The following LCORL variants were observed in gnomAD, a reference collection of about 807,000 sequenced individuals.
The protein encoded by LCORL is ligand-dependent nuclear receptor corepressor-like protein.
A neutral mutation model predicts 141.8 loss-of-function variants in LCORL; 41 were observed. The observed-to-expected ratio is 0.29, with a 90% CI of 0.23 to 0.38. LCORL has a LOEUF of 0.38. LCORL is among the 10% of genes least tolerant of loss of function. The pLI, the probability that LCORL is intolerant of heterozygous loss-of-function variation, is 1.00. For synonymous variants in LCORL, 618 were observed against 694.1 expected (o/e 0.89, Z 1.72); for missense variants, 1,759 against 2,035.0 (o/e 0.86, Z 2.61).
chr4:17,913,843 G>T (rs1221305640), intron 4 of LCORL, among the ~76,000 whole-genome samples: 1 of 152,190 alleles, frequency 6.6e-6, no homozygotes, highest in Non-Finnish European at 1.5e-5. Flanking sequence ...CATTGACATG[G>T]TTAAATTCCC....
chr4:17,945,329 C>A (rs1328097796), intron 4 of LCORL, among the ~76,000 whole-genome samples: 1 of 151,602 alleles, frequency 6.6e-6, no homozygotes, highest in Non-Finnish European at 1.5e-5. Flanking sequence ...CAGAATCACT[C>A]ATGACACGAC....
intron 2 of LCORL, among the ~76,000 whole-genome samples, chr4:17,964,880 T>C (rs1178624432): frequency 2.6e-5 from 4 of 151,544 alleles, no homozygotes; most frequent in Non-Finnish European, 5.9e-5. Flanking sequence ...TTTTTTTTTT[T>C]CTTTAAATCA....
At chr4:17,916,770 G>A (rs13144103) in intron 4 of LCORL, among the ~76,000 whole-genome samples, 19,746 of 149,680 alleles carry the variant, frequency 0.13, 1,399 homozygotes, top group South Asian at 0.26. Context: ...TCCATCTCCC[G>A]AGTAGCTGGG....
At chr4:17,939,397 T>C (rs1052427977) in intron 4 of LCORL, among the ~76,000 whole-genome samples, 3 of 152,176 alleles carry the variant, frequency 2.0e-5, no homozygotes, top group African/African-American at 4.8e-5. Context: ...TTAGATAATA[T>C]AAATAGGTTT....
chr4:17,848,241 T>C (rs1347241637), intron 7 of LCORL, among the ~76,000 whole-genome samples: 1 of 152,062 alleles, frequency 6.6e-6, no homozygotes, highest in East Asian at 1.9e-4. Context: ...TAAAAAACAG[T>C]GGATATGCAA....
rs1727968478 is a variant in LCORL, at chr4:17,884,127, C to A, written c.776+1941G>T. 3.2e-6 allele frequency: 5 copies of A among 1,550,550 alleles called. No individual in the cohort carries two copies. Among genetic ancestry groups the A allele is most frequent in the Non-Finnish European group, 8.7e-7 (1 of 1,146,362 alleles). On this transcript the variant is annotated intron_variant, in intron 6 of 7. Transcript: ENST00000635767. The surrounding 1 kb of genome is among the most constrained non-coding windows in gnomAD (Gnocchi z 4.4). ...TCAACACTTGAGTGAGTTACAGGCC[C>A]AGAACATTCTATTTTGTTCTGTTTA...
chr4:17,963,180 TTTAAAA>T (rs1714190533), intron 2 of LCORL, 131 bp from the exon 3 acceptor site: 2 of 461,154 alleles, frequency 4.3e-6, no homozygotes, highest in African/African-American at 4.0e-5. Flanking sequence ...AAGAACTAAC[TTTAAAA>T]TTAAACTCAC....
chr4:17,903,685 T>C (rs1731197898), intron 5 of LCORL, among the ~76,000 whole-genome samples: 1 of 151,962 alleles, frequency 6.6e-6, no homozygotes. Context: ...ATATTTGAAA[T>C]GCCTGGATAG....
intron 6 of LCORL, chr4:17,882,966 T>G: frequency 3.3e-6 from 3 of 913,164 alleles, no homozygotes; most frequent in Non-Finnish European, 3.9e-6. Context: ...AATTATTTTT[T>G]GTTCTTAGTA....
At chr4:17,882,365 A>AT (rs1419662461) in intron 6 of LCORL, 3 of 984,064 alleles carry the variant, frequency 3.0e-6, no homozygotes, top group African/African-American at 3.5e-5. Flanking sequence ...CCTATTCTTT[A>AT]TATGAAGGCA....
chr4:17,910,394 T>C (rs186390543), intron 4 of LCORL, among the ~76,000 whole-genome samples: 118 of 152,268 alleles, frequency 7.7e-4, no homozygotes, highest in Non-Finnish European at 1.1e-3. Context: ...TGAGTAGGGA[T>C]ATACTTTTTC....
Position 17,921,318 on chromosome 4 carries a change from C to T in LCORL, c.431-11973G>A, listed in dbSNP as rs538892692. 7.9e-4 allele frequency among the ~76,000 whole-genome samples: 120 copies of T among 152,146 alleles called. 1 individual carries two copies. Among genetic ancestry groups the T allele is most frequent in the South Asian group, 8.3e-4 (4 of 4,814 alleles). ...GCTGAGATTACAGGCGTTGAGCCAC[C>T]GCACCCAACCGAATCAGTAATGTTC... On this transcript the variant is annotated intron_variant, in intron 4 of 7. Transcript: ENST00000635767.
intron 7 of LCORL, among the ~76,000 whole-genome samples, chr4:17,848,392 C>A (rs981892781): frequency 6.6e-6 from 1 of 152,168 alleles, no homozygotes; most frequent in Non-Finnish European, 1.5e-5. Context: ...CTCTGTGGCC[C>A]AGGTTGGAGT....
exon 7 of LCORL, chr4:17,873,783 C>T (rs1409062698): frequency 4.0e-5 from 49 of 1,233,982 alleles, no homozygotes; most frequent in Non-Finnish European, 4.9e-5. Context: ...GTGTTCAAGA[C>T]AGTTGAGCTT....
intron 2 of LCORL, among the ~76,000 whole-genome samples, chr4:17,971,109 T>C (rs1045420459): frequency 6.6e-6 from 1 of 151,990 alleles, no homozygotes; most frequent in Non-Finnish European, 1.5e-5. Context: ...AAAAGTTTCA[T>C]AATTTTCATA....
intron 3 of LCORL, 81 bp from the exon 4 acceptor site, chr4:17,962,113 A>G (rs1405035067): frequency 2.4e-6 from 2 of 831,658 alleles, no homozygotes; most frequent in African/African-American, 3.5e-5. Flanking sequence ...ACAAAAAATT[A>G]ATGCTCTAAA....
intron 4 of LCORL, among the ~76,000 whole-genome samples, chr4:17,909,547 T>C (rs538627835): frequency 6.6e-6 from 1 of 152,272 alleles, no homozygotes; most frequent in East Asian, 1.9e-4. Flanking sequence ...AAATGTGGCA[T>C]ATTTAATTAC....
intron 6 of LCORL, chr4:17,882,946 ATTAAAT>A (rs1335028002): frequency 4.4e-6 from 4 of 910,728 alleles, no homozygotes; most frequent in Non-Finnish European, 3.9e-6. Flanking sequence ...TATTTTAATA[ATTAAAT>A]TTAAATTATT....
At chr4:18,009,906 T>C (rs561097116) in intron 1 of LCORL, among the ~76,000 whole-genome samples, 1 of 152,320 alleles carries the variant, frequency 6.6e-6, no homozygotes, top group East Asian at 1.9e-4. Flanking sequence ...ACGATGTGGC[T>C]CTGCCTCCCA....
Sources: allele counts gnomAD v4.1 joint callset (sites outside exome capture counted in the v4.1 genomes callset), GRCh38; gene constraint gnomAD v4.1.1; non-coding constraint Gnocchi (gnomAD v3.1); transcripts MANE v1.5; gene names NCBI Gene and HGNC (gene_info 2026-07-23, HGNC 2026-07-21).